The following PIK3R6 variants were observed in gnomAD, a reference collection of about 807,000 sequenced individuals.
PIK3R6 encodes the protein phosphoinositide 3-kinase regulatory subunit 6.
A neutral mutation model predicts 84.9 loss-of-function variants in PIK3R6; 91 were observed. The observed-to-expected ratio is 1.07, with a 90% CI of 0.90 to 1.28. The LOEUF is 1.28. Among genes scored for constraint, PIK3R6 ranks in the 50% most tolerant of loss-of-function variants. PIK3R6 has a pLI of 0.00. For missense variants in PIK3R6, 996 were observed against 985.1 expected (o/e 1.01, Z -0.15); for synonymous variants, 416 against 411.4 (o/e 1.01, Z -0.13).
At chr17:8,821,332 G>A (rs2087724045) in intron 17 of PIK3R6, among the ~76,000 whole-genome samples, 1 of 151,970 alleles carries the variant, frequency 6.6e-6, no homozygotes, top group Admixed American at 6.6e-5. Context: ...AATACTAATA[G>A]TATCTATTTT....
chr17:8,828,781 G>A lies in PIK3R6; in HGVS notation c.1099C>T (p.Gln367Ter). Reference protein sequence around the residue: ...GSPEMERAGLQRKGGIKKRAW... With the variant: ...GSPEMERAGL The stretch of plus-strand genomic sequence containing the variant: ...CGCTTCTTGATGCCCCCTTTGCGCT[G>A]CAGCCCGGCTCGCTCCATCTCAGGG... The change falls in exon 11 of 20, where the codon CAG (glutamine) becomes TAG (stop). Residue 367 changes from glutamine (Q) to a stop codon, truncating the protein, a stop_gained. Transcript: ENST00000619866. LOFTEE classifies it high-confidence loss of function. 6.3e-7 allele frequency: 1 copy of A among 1,589,158 alleles called. No individual in the cohort carries two copies.
At chr17:8,831,145 CAAAAAAAAAAAAAAAAAA>C (rs35954175) in intron 9 of PIK3R6, among the ~76,000 whole-genome samples, 1 of 42,012 alleles carries the variant, frequency 2.4e-5, no homozygotes, top group South Asian at 9.5e-4. Flanking sequence ...GATTGTGTCT[CAAAAAAAAAAAAAAAAAA>C]AAAAAGATGC....
intron 18 of PIK3R6, among the ~76,000 whole-genome samples, chr17:8,810,756 T>C (rs2087333951): frequency 6.7e-6 from 1 of 148,846 alleles, no homozygotes; most frequent in Non-Finnish European, 1.5e-5. Flanking sequence ...CAGGTCACAC[T>C]GTTGTGAGAG....
chr17:8,828,809 G>A lies in PIK3R6; in HGVS notation c.1071C>T (p.Gly357=). Residue 357 remains glycine, a synonymous_variant, in exon 11 of 20, where the codon GGC becomes GGT. Coordinates refer to ENST00000619866, the MANE Select transcript of PIK3R6 (RefSeq NM_001010855.4). ...PTGADELPAP[G]SPEMERAGLQ... is the part of the protein sequence containing the mutation. ...GCCCGGCTCGCTCCATCTCAGGGCT[G>A]CCGGGTGCAGGCAGCTCATCAGCCC... 1 of 1,588,666 alleles carries A rather than the reference G, an allele frequency of 6.3e-7. No homozygotes were observed. Among genetic ancestry groups the A allele is most frequent in the Non-Finnish European group, 8.6e-7 (1 of 1,165,522 alleles).
Position 8,803,563 on chromosome 17 carries a change from G to T in PIK3R6, c.2109-134C>A. 1.1e-6 allele frequency: 1 copy of T among 880,468 alleles called. No individual in the cohort carries two copies. The highest frequency in any genetic ancestry group is 1.7e-6 in the Non-Finnish European group (1 of 599,356). The allele number at this position is 880,468 out of a possible 1,614,324, so 54.5% of individuals were successfully genotyped here. On this transcript the variant is annotated intron_variant, in intron 19 of 19. Coordinates refer to ENST00000619866, the MANE Select transcript of PIK3R6 (RefSeq NM_001010855.4). The surrounding 1 kb of genome is among the most constrained non-coding windows in gnomAD (Gnocchi z 5.0). ...GCATAGAGGAGGCGGCTACACAGAA[G>T]AAAGAGGAAGAGTCAGGACAAGAAA...
At chr17:8,807,593 AAAG>A (rs2087241616) in intron 18 of PIK3R6, among the ~76,000 whole-genome samples, 1 of 152,118 alleles carries the variant, frequency 6.6e-6, no homozygotes, top group African/African-American at 2.4e-5. Context: ...GAAATTATAA[AAAG>A]AAGGTGGGCA....
At chr17:8,856,761 G>A (rs1198861698) in intron 1 of PIK3R6, among the ~76,000 whole-genome samples, 3 of 152,064 alleles carry the variant, frequency 2.0e-5, no homozygotes, top group Admixed American at 2.0e-4. Flanking sequence ...AAACAGTGGG[G>A]TCACAGGTAA....
Position 8,836,576 on chromosome 17 carries a change from C to T in PIK3R6, c.432G>A (p.Leu144=). Residue 144 remains leucine (L), a synonymous_variant, in exon 7 of 20, where the codon TTG becomes TTA. Transcript: ENST00000619866. ...YQRMVIAEQN[L]TNELYPYQER... is the part of the protein sequence containing the mutation. Reference sequence around the variant, plus strand: ...CCTGGTAGGGATACAGCTCATTCGTCAAGTTCTGTTCGGCAATGACCATCC... The same window carrying T: ...CCTGGTAGGGATACAGCTCATTCGTTAAGTTCTGTTCGGCAATGACCATCC... 1.9e-6 allele frequency: 3 copies of T among 1,614,006 alleles called. No homozygotes were observed. Among genetic ancestry groups the T allele is most frequent in the Non-Finnish European group, 2.5e-6 (3 of 1,179,900 alleles).
At position 8,839,820 on chromosome 17, in the gene PIK3R6, G is replaced by A. The variant is rs976961357; in HGVS notation, c.14-123C>T. 3.4e-5 allele frequency: 25 copies of A among 741,014 alleles called. No individual in the cohort carries two copies. Among genetic ancestry groups the A allele is most frequent in the Middle Eastern group, 2.6e-4 (1 of 3,884 alleles). The allele number at this position is 741,014 out of a possible 1,614,324, so 45.9% of individuals were successfully genotyped here. Reference sequence around the variant, plus strand: ...GCCTCAGGAGGTGCCCGAAGTAATCGACTTAGAGCTGGCAGCCAGCATGCC... The same window carrying A: ...GCCTCAGGAGGTGCCCGAAGTAATCAACTTAGAGCTGGCAGCCAGCATGCC... On this transcript the variant is annotated intron_variant, in intron 2 of 19. Coordinates refer to ENST00000619866, the MANE Select transcript of PIK3R6 (RefSeq NM_001010855.4). This position sits in a 1 kb window ranked among gnomAD's most constrained non-coding sequence, Gnocchi z 4.2.
At chr17:8,822,055 T>C in intron 16 of PIK3R6, 119 bp from the exon 17 acceptor site, 2 of 320,022 alleles carry the variant, frequency 6.2e-6, no homozygotes, top group Non-Finnish European at 5.0e-6. Flanking sequence ...TGAGAGTCTT[T>C]TTTTTTTTTT....
Position 8,838,672 on chromosome 17 carries a change from G to A in PIK3R6, c.98-17C>T. ...TCCACATGCCTGGGCCAGGAGAAAGGGGAGCCCGGCATGAGCAGGTGGGCA... is the reference window on the plus strand; with the variant it reads ...TCCACATGCCTGGGCCAGGAGAAAGAGGAGCCCGGCATGAGCAGGTGGGCA... On this transcript the variant is annotated splice_polypyrimidine_tract_variant and intron_variant, in intron 3 of 19. Coordinates refer to ENST00000619866, the MANE Select transcript of PIK3R6 (RefSeq NM_001010855.4). The A allele has an allele frequency of 6.3e-7, 1 of 1,578,570 alleles. No individual in the cohort carries two copies. The highest frequency in any genetic ancestry group is 8.6e-7 in the Non-Finnish European group (1 of 1,162,048).
At chr17:8,830,827 G>T (rs2088206370) in intron 9 of PIK3R6, among the ~76,000 whole-genome samples, 1 of 152,154 alleles carries the variant, frequency 6.6e-6, no homozygotes. Flanking sequence ...GGGCTTGACG[G>T]GGGTGCTGCC....
chr17:8,837,640 A>C (rs1403650182), intron 5 of PIK3R6, among the ~76,000 whole-genome samples, 163 bp downstream of exon 5: 1 of 151,940 alleles, frequency 6.6e-6, no homozygotes, highest in African/African-American at 2.4e-5. Context: ...TCCATATGGG[A>C]GGGAAAGGGG....
At chr17:8,851,083 A>G (rs2088945033) in intron 1 of PIK3R6, among the ~76,000 whole-genome samples, 1 of 151,660 alleles carries the variant, frequency 6.6e-6, no homozygotes, top group Non-Finnish European at 1.5e-5. Flanking sequence ...TTATTGGACA[A>G]GGCCAGCTTC....
intron 1 of PIK3R6, among the ~76,000 whole-genome samples, chr17:8,857,534 G>T (rs2089171941): frequency 1.3e-5 from 2 of 152,158 alleles, no homozygotes; most frequent in African/African-American, 4.8e-5. Context: ...TGAACACGGG[G>T]CAGCCTCGAA....
At chr17:8,864,102 C>T (rs1316859437) in intron 1 of PIK3R6, among the ~76,000 whole-genome samples, 1 of 152,204 alleles carries the variant, frequency 6.6e-6, no homozygotes, top group African/African-American at 2.4e-5. Context: ...TCTGCACCAT[C>T]TTTTCAAATA....
chr17:8,860,818 G>A (rs963998398), intron 1 of PIK3R6, among the ~76,000 whole-genome samples: 3 of 152,074 alleles, frequency 2.0e-5, no homozygotes, highest in Admixed American at 6.5e-5. Context: ...TCACAATGGG[G>A]ACTCTGAAGC....
At chr17:8,806,459 A>C (rs1459764449) in intron 18 of PIK3R6, among the ~76,000 whole-genome samples, 1 of 152,200 alleles carries the variant, frequency 6.6e-6, no homozygotes, top group Non-Finnish European at 1.5e-5. Flanking sequence ...CGGTGTGGGC[A>C]GATGCCTTTC....
At chr17:8,859,016 G>A (rs1441789984) in intron 1 of PIK3R6, among the ~76,000 whole-genome samples, 1 of 5,882 alleles carries the variant, frequency 1.7e-4, no homozygotes, top group East Asian at 4.7e-3. Flanking sequence ...CCAGTTTGCT[G>A]AAGGCTGGGA....
Sources: allele counts gnomAD v4.1 joint callset (sites outside exome capture counted in the v4.1 genomes callset), GRCh38; gene constraint gnomAD v4.1.1; non-coding constraint Gnocchi (gnomAD v3.1); transcripts MANE v1.5; gene names NCBI Gene and HGNC (gene_info 2026-07-23, HGNC 2026-07-21).